The following HS6ST3 variants were observed in gnomAD, a reference collection of about 807,000 sequenced individuals.
HS6ST3 encodes the protein heparan sulfate 6-O-sulfotransferase 3.
HS6ST3 carries 12 observed loss-of-function variants against 36.7 expected under a neutral mutation model. That is an observed-to-expected ratio of 0.33 (90% CI 0.21 to 0.53). The LOEUF (loss-of-function observed/expected upper bound fraction) is 0.53. HS6ST3 is among the 20% of genes least tolerant of loss of function. The pLI is 0.95. For missense variants in HS6ST3, 584 were observed against 640.9 expected (o/e 0.91, Z 0.96); for synonymous variants, 240 against 257.5 (o/e 0.93, Z 0.65).
At chr13:96,743,362 G>A (rs189177501) in intron 1 of HS6ST3, among the ~76,000 whole-genome samples, 3 of 152,120 alleles carry the variant, frequency 2.0e-5, no homozygotes, top group Non-Finnish European at 2.9e-5. Flanking sequence ...ACAGTCACTC[G>A]GGCAATCCCA....
intron 1 of HS6ST3, among the ~76,000 whole-genome samples, chr13:96,815,048 C>T (rs1408559402): frequency 6.6e-6 from 1 of 152,114 alleles, no homozygotes; most frequent in African/African-American, 2.4e-5. Flanking sequence ...ACCTTGTTTT[C>T]ATTTCTTATG....
intron 1 of HS6ST3, among the ~76,000 whole-genome samples, chr13:96,456,845 T>C (rs1048524367): frequency 6.6e-6 from 1 of 152,148 alleles, no homozygotes; most frequent in Non-Finnish European, 1.5e-5. Context: ...TAAATATCTT[T>C]TTCTTTCTCC....
intron 1 of HS6ST3, among the ~76,000 whole-genome samples, chr13:96,762,054 T>TTA (rs112290854): frequency 1.9e-3 from 288 of 151,374 alleles, no homozygotes; most frequent in South Asian, 2.9e-3. Context: ...TTTTATGTTT[T>TTA]TATATATATA....
At chr13:96,518,120 AC>A (rs1240557913) in intron 1 of HS6ST3, among the ~76,000 whole-genome samples, 1 of 152,174 alleles carries the variant, frequency 6.6e-6, no homozygotes, top group Non-Finnish European at 1.5e-5. Context: ...AAAGCCATGC[AC>A]CTTTCTTAAA....
intron 1 of HS6ST3, among the ~76,000 whole-genome samples, chr13:96,341,240 C>T (rs2055128695): frequency 1.3e-5 from 2 of 152,012 alleles, no homozygotes; most frequent in Admixed American, 1.3e-4. Flanking sequence ...TAAAGACTTA[C>T]TCCAATTTTT....
intron 1 of HS6ST3, among the ~76,000 whole-genome samples, chr13:96,458,930 C>T (rs1297776551): frequency 6.6e-6 from 1 of 151,268 alleles, no homozygotes; most frequent in African/African-American, 2.4e-5. Flanking sequence ...ATGGTGAATC[C>T]CCGTTTGTAC....
chr13:96,523,525 TTCACGTAG>T (rs1325756553), intron 1 of HS6ST3, among the ~76,000 whole-genome samples: 1 of 152,236 alleles, frequency 6.6e-6, no homozygotes, highest in African/African-American at 2.4e-5. Context: ...ATTTGGTCTT[TTCACGTAG>T]TCCCATATTT....
intron 1 of HS6ST3, among the ~76,000 whole-genome samples, chr13:96,109,931 GA>G (rs1169716210): frequency 6.6e-6 from 1 of 152,174 alleles, no homozygotes; most frequent in East Asian, 1.9e-4. Context: ...TTTTCTCAAT[GA>G]AATTACAGTG....
intron 1 of HS6ST3, among the ~76,000 whole-genome samples, chr13:96,282,891 T>A (rs1184816936): frequency 1.3e-5 from 2 of 152,178 alleles, no homozygotes; most frequent in Non-Finnish European, 2.9e-5. Context: ...CATGAATTTT[T>A]AAAATCAGTT....
At chr13:96,527,409 A>G (rs1243564679) in intron 1 of HS6ST3, among the ~76,000 whole-genome samples, 1 of 152,208 alleles carries the variant, frequency 6.6e-6, no homozygotes. Flanking sequence ...CTGTGGTGGC[A>G]AATAAAACAA....
chr13:96,254,063 T>C (rs2139378795), intron 1 of HS6ST3, among the ~76,000 whole-genome samples: 2 of 152,256 alleles, frequency 1.3e-5, no homozygotes, highest in South Asian at 2.1e-4. Context: ...GCCTTAATTT[T>C]CTGAATGTGT....
chr13:96,742,673 T>C (rs1228294326), intron 1 of HS6ST3, among the ~76,000 whole-genome samples: 1 of 152,102 alleles, frequency 6.6e-6, no homozygotes, highest in Non-Finnish European at 1.5e-5. Context: ...TGTTTTAAAT[T>C]CTGAGATCAT....
intron 1 of HS6ST3, among the ~76,000 whole-genome samples, chr13:96,522,295 G>A (rs2056096704): frequency 6.6e-6 from 1 of 152,298 alleles, no homozygotes; most frequent in African/African-American, 2.4e-5. Flanking sequence ...TAGAATAAAT[G>A]TGATGTGGTG....
At chr13:96,728,090 C>G (rs549947797) in intron 1 of HS6ST3, among the ~76,000 whole-genome samples, 4 of 152,208 alleles carry the variant, frequency 2.6e-5, no homozygotes, top group Admixed American at 6.5e-5. Context: ...GCCCACCTAC[C>G]CCACTGCTTG....
intron 1 of HS6ST3, among the ~76,000 whole-genome samples, chr13:96,201,867 T>C (rs1402585253): frequency 6.6e-6 from 1 of 152,210 alleles, no homozygotes; most frequent in Admixed American, 6.5e-5. Flanking sequence ...AAAATACTTG[T>C]TTGTATCCTG....
At chr13:96,149,993 T>C (rs61968010) in intron 1 of HS6ST3, among the ~76,000 whole-genome samples, 4,063 of 152,052 alleles carry the variant, frequency 0.027, 67 homozygotes, top group Non-Finnish European at 0.034. Flanking sequence ...GGACGGAGGG[T>C]TACAGCTCTT....
intron 1 of HS6ST3, among the ~76,000 whole-genome samples, chr13:96,296,650 A>G (rs2054856337): frequency 6.6e-6 from 1 of 152,122 alleles, no homozygotes; most frequent in South Asian, 2.1e-4. Flanking sequence ...GATGACTTTA[A>G]ATGGATGAGA....
chr13:96,786,005 T>C (rs559363892), intron 1 of HS6ST3, among the ~76,000 whole-genome samples: 87 of 152,308 alleles, frequency 5.7e-4, no homozygotes, highest in African/African-American at 2.0e-3. Flanking sequence ...TCCATTGCCC[T>C]TAAAATCAAC....
intron 1 of HS6ST3, among the ~76,000 whole-genome samples, chr13:96,152,316 CTT>C (rs766489670): frequency 6.2e-5 from 6 of 97,090 alleles, no homozygotes; most frequent in Admixed American, 5.7e-4. Context: ...GGCCCCTTTC[CTT>C]TTTTTTTTTT....
Sources: gnomAD v4.1 joint callset for allele counts (sites outside exome capture counted in the v4.1 genomes callset) on GRCh38, gnomAD v4.1.1 for gene constraint, MANE v1.5 for transcripts, NCBI Gene and HGNC (gene_info 2026-07-23, HGNC 2026-07-21) for gene names.